Variants in TRIM44 observed in about 807,000 individuals in gnomAD.
TRIM44 encodes the protein tripartite motif containing 44.
In TRIM44, 13 loss-of-function variants were observed where a neutral mutation model predicts 37.4. The ratio of observed to expected loss-of-function variants is 0.35; its 90% CI spans 0.23 to 0.55. TRIM44 has a LOEUF of 0.55. Among genes scored for constraint, TRIM44 ranks in the 20% least tolerant of loss-of-function variants. The pLI is 0.89. For missense variants in TRIM44, 426 were observed against 437.2 expected, an observed-to-expected ratio of 0.97 and a Z score of 0.23; for synonymous variants, 175 against 157.2, an observed-to-expected ratio of 1.11 and a Z score of -0.85.
intron 2 of TRIM44, among the ~76,000 whole-genome samples, chr11:35,697,270 G>A (rs997702150): frequency 7.1e-6 from 1 of 140,104 alleles, no homozygotes; most frequent in Admixed American, 7.8e-5. Context: ...GTGTGCATGT[G>A]TTCTAATTGT....
Position 35,731,334 on chromosome 11 carries a change from A to G in TRIM44, c.988-4092A>G, listed in dbSNP as rs146531305. On this transcript the variant is annotated intron_variant, in intron 3 of 4. Coordinates refer to ENST00000299413, the MANE Select transcript of TRIM44 (RefSeq NM_017583.6). ...AGATATATCTTCTGTATCTCTTGAAATGATCATACGCATTTTTTTCATTAT... is the reference window on the plus strand; with the variant it reads ...AGATATATCTTCTGTATCTCTTGAAGTGATCATACGCATTTTTTTCATTAT... 1.8e-3 allele frequency among the ~76,000 whole-genome samples: 280 copies of G among 152,308 alleles called. 2 individuals are homozygous for G. The highest frequency in any genetic ancestry group is 6.5e-3 in the African/African-American group (269 of 41,558).
chr11:35,744,454 A>G (rs974802477), intron 4 of TRIM44, among the ~76,000 whole-genome samples: 1 of 152,200 alleles, frequency 6.6e-6, no homozygotes, highest in African/African-American at 2.4e-5. Flanking sequence ...TCCTATAAAT[A>G]TACACAATTC....
At chr11:35,680,099 C>G (rs923444619) in intron 1 of TRIM44, among the ~76,000 whole-genome samples, 1 of 152,200 alleles carries the variant, frequency 6.6e-6, no homozygotes, top group Non-Finnish European at 1.5e-5. Flanking sequence ...AGAACCTTCT[C>G]TTGAATCTGC....
chr11:35,763,875 C>T (rs984093929), intron 4 of TRIM44, among the ~76,000 whole-genome samples: 12 of 152,120 alleles, frequency 7.9e-5, no homozygotes, highest in African/African-American at 2.9e-4. Context: ...GCCTGGAGGT[C>T]GTGGAACTAA....
intron 4 of TRIM44, among the ~76,000 whole-genome samples, chr11:35,803,326 G>A (rs112456203): frequency 2.6e-5 from 4 of 151,946 alleles, no homozygotes; most frequent in African/African-American, 9.6e-5. Flanking sequence ...CACTCCAGTT[G>A]TAAGTCTAAG....
Position 35,662,962 on chromosome 11 carries a change from G to GC in TRIM44, c.-146dup. ...CTGCGCCCGGGCAGGGGCTGCCGCG[G>GC]CCCCAGGTCCCGCTTCGAGACGCGG... On this transcript the variant is annotated 5_prime_UTR_variant, in exon 1 of 5. Coordinates refer to ENST00000299413, the MANE Select transcript of TRIM44 (RefSeq NM_017583.6). The GC allele has an allele frequency of 7.6e-7, 1 of 1,319,572 alleles. No individual in the cohort carries two copies. The highest frequency in any genetic ancestry group is 9.8e-7 in the Non-Finnish European group (1 of 1,023,800). The allele number at this position is 1,319,572 out of a possible 1,614,324, so 81.7% of individuals were successfully genotyped here. A position where few individuals can be genotyped will look rare whatever the true frequency, so the allele number is the denominator to read the frequency against.
chr11:35,795,544 A>G (rs1853271693), intron 4 of TRIM44, among the ~76,000 whole-genome samples: 1 of 152,048 alleles, frequency 6.6e-6, no homozygotes, highest in Non-Finnish European at 1.5e-5. Flanking sequence ...TGGCACATAG[A>G]ATGCATTCTT....
chr11:35,726,282 G>C, intron 3 of TRIM44, 119 bp downstream of exon 3: 1 of 1,326,308 alleles, frequency 7.5e-7, no homozygotes, highest in Non-Finnish European at 1.0e-6. Flanking sequence ...TAGAGTATAA[G>C]TGTTTCACAT....
chr11:35,795,544 AAT>A (rs1853271734), intron 4 of TRIM44, among the ~76,000 whole-genome samples: 1 of 152,048 alleles, frequency 6.6e-6, no homozygotes, highest in Non-Finnish European at 1.5e-5. Context: ...TGGCACATAG[AAT>A]GCATTCTTAT....
At chr11:35,700,387 C>T (rs976968188) in intron 2 of TRIM44, among the ~76,000 whole-genome samples, 2 of 152,092 alleles carry the variant, frequency 1.3e-5, no homozygotes, top group African/African-American at 4.8e-5. Flanking sequence ...TAAAACAATC[C>T]TTTAACCCTC....
At chr11:35,770,750 C>T (rs1257391903) in intron 4 of TRIM44, among the ~76,000 whole-genome samples, 2 of 152,108 alleles carry the variant, frequency 1.3e-5, no homozygotes, top group African/African-American at 4.8e-5. Flanking sequence ...CCCATAATTA[C>T]CATGTGTTGT....
intron 4 of TRIM44, among the ~76,000 whole-genome samples, chr11:35,771,633 G>A (rs1483249705): frequency 6.6e-6 from 1 of 151,686 alleles, no homozygotes; most frequent in Non-Finnish European, 1.5e-5. Flanking sequence ...GCTGAAGCAA[G>A]AGAATCGCTT....
chr11:35,769,012 A>G (rs548529526), intron 4 of TRIM44, among the ~76,000 whole-genome samples: 34 of 152,328 alleles, frequency 2.2e-4, no homozygotes, highest in African/African-American at 7.2e-4. Flanking sequence ...CTTCTTTTCA[A>G]AATTCAAAAG....
intron 4 of TRIM44, among the ~76,000 whole-genome samples, chr11:35,782,199 A>T (rs947563120): frequency 2.0e-5 from 3 of 152,162 alleles, no homozygotes; most frequent in Non-Finnish European, 4.4e-5. Context: ...GGGTGGGGGG[A>T]ATCCTAATCC....
chr11:35,750,258 T>C lies in TRIM44; in HGVS notation c.1007+14813T>C, dbSNP rs145437941. 1.8e-3 allele frequency among the ~76,000 whole-genome samples: 280 copies of C among 152,316 alleles called. 2 individuals carry two copies. Among genetic ancestry groups the C allele is most frequent in the African/African-American group, 6.5e-3 (269 of 41,574 alleles). On this transcript the variant is annotated intron_variant, in intron 4 of 4. Transcript: ENST00000299413. ...CTTGTTTTCATGGCGCTTACCACAT[T>C]GTGAATGGTCTCTCCTCCACATTTG...
chr11:35,811,658 C>T lies in TRIM44; in HGVS notation c.*5273C>T, dbSNP rs564524522. ...ATGTGAAGACTCAAGATGGTAGATACTGTGTGAATTAGAAAATACCAAGCC... is the reference window on the plus strand; with the variant it reads ...ATGTGAAGACTCAAGATGGTAGATATTGTGTGAATTAGAAAATACCAAGCC... On this transcript the variant is annotated 3_prime_UTR_variant, in exon 5 of 5. Coordinates refer to ENST00000299413, the MANE Select transcript of TRIM44 (RefSeq NM_017583.6). The T allele has an allele frequency of 6.6e-6, 1 of 152,232 alleles. No individual in the cohort carries two copies. Among genetic ancestry groups the T allele is most frequent in the African/African-American group, 2.4e-5 (1 of 41,548 alleles). 9.4% of individuals were successfully genotyped at this position (152,232 alleles called of 1,614,324 possible).
chr11:35,729,530 GGCTATGCAC>G (rs2135517830), intron 3 of TRIM44, among the ~76,000 whole-genome samples: 1 of 152,224 alleles, frequency 6.6e-6, no homozygotes, highest in South Asian at 2.1e-4. Flanking sequence ...GCATTAACTA[GGCTATGCAC>G]TTCCCCAGCT....
chr11:35,748,230 G>T (rs1301894689), intron 4 of TRIM44, among the ~76,000 whole-genome samples: 1 of 152,176 alleles, frequency 6.6e-6, no homozygotes, highest in Non-Finnish European at 1.5e-5. Flanking sequence ...TTCATACTTG[G>T]TAATAAAATA....
chr11:35,803,676 G>C (rs530808392), intron 4 of TRIM44, among the ~76,000 whole-genome samples: 78 of 152,254 alleles, frequency 5.1e-4, no homozygotes, highest in African/African-American at 1.9e-3. Context: ...AGCGAAGATC[G>C]CACTGATGCA....
Sources: allele counts gnomAD v4.1 joint callset (sites outside exome capture counted in the v4.1 genomes callset), GRCh38; gene constraint gnomAD v4.1.1; transcripts MANE v1.5; gene names NCBI Gene and HGNC (gene_info 2026-07-23, HGNC 2026-07-21).